Variants in AXDND1 observed in about 807,000 individuals in gnomAD.
AXDND1 encodes axonemal dynein light chain domain containing 1.
Under a neutral mutation model 137.5 loss-of-function variants are expected in AXDND1, and 110 were observed. The observed-to-expected ratio is 0.80, with a 90% CI of 0.69 to 0.94. The LOEUF is 0.94. AXDND1 is among the 40% of genes least tolerant of loss of function. The pLI, the probability that AXDND1 is intolerant of heterozygous loss-of-function variation, is 0.00. For missense variants in AXDND1, 1,191 were observed against 1,169.8 expected (o/e 1.02, Z -0.26); for synonymous variants, 414 against 399.7 (o/e 1.04, Z -0.43).
At chr1:179,461,079 G>A (rs539147399) in intron 16 of AXDND1, among the ~76,000 whole-genome samples, 1 of 152,056 alleles carries the variant, frequency 6.6e-6, no homozygotes, top group African/African-American at 2.4e-5. Flanking sequence ...GTCAATTTTG[G>A]CTTTTGTTGC....
At chr1:179,523,451 G>A (rs1370263961) in intron 21 of AXDND1, among the ~76,000 whole-genome samples, 2 of 152,142 alleles carry the variant, frequency 1.3e-5, no homozygotes, top group East Asian at 1.9e-4. Flanking sequence ...TATTCACAAA[G>A]TTGTACAGTG....
At chr1:179,470,076 A>T (rs1449935776) in intron 17 of AXDND1, among the ~76,000 whole-genome samples, 2 of 152,152 alleles carry the variant, frequency 1.3e-5, no homozygotes, top group African/African-American at 4.8e-5. Flanking sequence ...TTTGTTGAAG[A>T]CTATTCTTTC....
At chr1:179,441,464 T>C (rs1232653889) in intron 15 of AXDND1, among the ~76,000 whole-genome samples, 3 of 152,148 alleles carry the variant, frequency 2.0e-5, no homozygotes, top group Non-Finnish European at 2.9e-5. Flanking sequence ...TCTGAGAAAA[T>C]TTCCCAAGTT....
intron 21 of AXDND1, among the ~76,000 whole-genome samples, chr1:179,514,341 G>A (rs1321112244): frequency 2.6e-5 from 4 of 152,144 alleles, no homozygotes; most frequent in Non-Finnish European, 4.4e-5. Context: ...TGATCATTCA[G>A]GAGCAGGTTA....
At chr1:179,515,465 T>A (rs952638451) in intron 21 of AXDND1, among the ~76,000 whole-genome samples, 5 of 152,178 alleles carry the variant, frequency 3.3e-5, no homozygotes, top group Non-Finnish European at 5.9e-5. Flanking sequence ...AGGTTTTCCT[T>A]TATAGGGTAC....
chr1:179,495,779 T>G (rs1373145499), intron 20 of AXDND1, among the ~76,000 whole-genome samples: 1 of 151,948 alleles, frequency 6.6e-6, no homozygotes, highest in African/African-American at 2.4e-5. Context: ...TTGGTCCATC[T>G]TAGGGAAAAA....
At chr1:179,465,317 T>G (rs1041150982) in intron 16 of AXDND1, among the ~76,000 whole-genome samples, 21 of 152,386 alleles carry the variant, frequency 1.4e-4, no homozygotes, top group African/African-American at 4.6e-4. Flanking sequence ...ATGTCCTTTC[T>G]GTTTGTTAGT....
intron 4 of AXDND1, among the ~76,000 whole-genome samples, chr1:179,375,600 T>C (rs968321366): frequency 4.4e-5 from 6 of 135,758 alleles, no homozygotes; most frequent in Non-Finnish European, 8.1e-5. Context: ...GTATATAATA[T>C]ATGCACATGT....
intron 16 of AXDND1, among the ~76,000 whole-genome samples, chr1:179,466,643 G>A (rs571256918): frequency 6.6e-6 from 1 of 152,098 alleles, no homozygotes; most frequent in South Asian, 2.1e-4. Context: ...TAAAATCCAT[G>A]TCTGGTGATT....
intron 11 of AXDND1, among the ~76,000 whole-genome samples, chr1:179,395,601 T>C (rs954146239): frequency 1.1e-4 from 16 of 152,174 alleles, no homozygotes; most frequent in African/African-American, 3.9e-4. Flanking sequence ...ATAATAATAT[T>C]ACCTACCTCA....
At chr1:179,521,352 A>G (rs561305714) in intron 21 of AXDND1, among the ~76,000 whole-genome samples, 1 of 152,122 alleles carries the variant, frequency 6.6e-6, no homozygotes, top group African/African-American at 2.4e-5. Context: ...GTAGTTTTTC[A>G]GTGGATTCTT....
At chr1:179,478,938 T>A (rs990163547) in intron 17 of AXDND1, among the ~76,000 whole-genome samples, 2 of 151,296 alleles carry the variant, frequency 1.3e-5, no homozygotes, top group Non-Finnish European at 2.9e-5. Flanking sequence ...CAATCTCTAC[T>A]AAAAATGCAA....
At chr1:179,377,972 C>A (rs146629782) in intron 4 of AXDND1, among the ~76,000 whole-genome samples, 289 of 152,194 alleles carry the variant, frequency 1.9e-3, no homozygotes, top group African/African-American at 6.6e-3. Context: ...AGTTTGAGAC[C>A]AGCGTGGCCA....
At chr1:179,423,787 A>G (rs1051772138) in intron 12 of AXDND1, among the ~76,000 whole-genome samples, 6 of 152,202 alleles carry the variant, frequency 3.9e-5, no homozygotes, top group Non-Finnish European at 8.8e-5. Flanking sequence ...ACATATTTGT[A>G]TATATTAACC....
At position 179,533,597 on chromosome 1, in the gene AXDND1, C is replaced by G. The variant is rs1392237218; in HGVS notation, c.2716-198C>G. Among the ~76,000 whole-genome samples the G allele has an allele frequency of 3.4e-5, 5 of 146,300 alleles. No individual in the cohort carries two copies. The East Asian group carries it at 9.9e-4, about 29-fold the overall frequency. ...ACCTGAAGCACGAGTAATTTGGAAG[C>G]TTCTATGCTATTTGACCAGAGACAA... On this transcript the variant is annotated intron_variant, in intron 23 of 25. Transcript: ENST00000367618.
chr1:179,502,245 C>T (rs1668065008), intron 20 of AXDND1, among the ~76,000 whole-genome samples: 1 of 152,162 alleles, frequency 6.6e-6, no homozygotes, highest in African/African-American at 2.4e-5. Context: ...ACTAATATCA[C>T]TACTTACATA....
intron 15 of AXDND1, among the ~76,000 whole-genome samples, chr1:179,433,911 G>A (rs1258953727): frequency 6.6e-6 from 1 of 152,166 alleles, no homozygotes; most frequent in Non-Finnish European, 1.5e-5. Context: ...AAATATCCTT[G>A]TTAATTTTCT....
chr1:179,467,051 C>T (rs976183043), intron 16 of AXDND1, among the ~76,000 whole-genome samples: 1 of 152,094 alleles, frequency 6.6e-6, no homozygotes, highest in African/African-American at 2.4e-5. Flanking sequence ...TTTTGTCCAC[C>T]ACCCGACCCC....
At chr1:179,456,569 G>A in intron 16 of AXDND1, 1 of 778,396 alleles carries the variant, frequency 1.3e-6, no homozygotes, top group Middle Eastern at 3.6e-4. Context: ...AGTAACCAGG[G>A]CCACCTCCTC....
Sources: gnomAD v4.1 joint callset for allele counts (sites outside exome capture counted in the v4.1 genomes callset) on GRCh38, gnomAD v4.1.1 for gene constraint, MANE v1.5 for transcripts, NCBI Gene and HGNC (gene_info 2026-07-23, HGNC 2026-07-21) for gene names.